LRRIQ3: variants seen among roughly 807,000 people sequenced by gnomAD.
LRRIQ3 encodes leucine-rich repeat and IQ domain-containing protein 3.
Under a neutral mutation model 59.3 loss-of-function variants are expected in LRRIQ3, and 75 were observed. That is an observed-to-expected ratio of 1.26 (90% CI 1.05 to 1.53). The LOEUF (loss-of-function observed/expected upper bound fraction) is 1.53, where lower values mean the gene tolerates loss of function less well. Ranked by LOEUF, LRRIQ3 falls within the 40% of genes most tolerant of loss-of-function variation. LRRIQ3 has a pLI of 0.00. For synonymous variants in LRRIQ3, 250 were observed against 231.3 expected (o/e 1.08, Z -0.73); for missense variants, 831 against 710.0 (o/e 1.17, Z -1.94).
intron 4 of LRRIQ3, among the ~76,000 whole-genome samples, chr1:74,129,179 TTTC>T (rs1646976791): frequency 6.6e-6 from 1 of 152,022 alleles, no homozygotes; most frequent in African/African-American, 2.4e-5. Flanking sequence ...CCAGGCTTGT[TTTC>T]TTTTCTTCAG....
chr1:74,143,371 T>C (rs1400228967), intron 4 of LRRIQ3, among the ~76,000 whole-genome samples: 1 of 151,912 alleles, frequency 6.6e-6, no homozygotes, highest in Non-Finnish European at 1.5e-5. Flanking sequence ...TTGAAAGAAG[T>C]AAGGTAAATT....
At chr1:74,138,515 C>A in intron 4 of LRRIQ3, 1 of 984,288 alleles carries the variant, frequency 1.0e-6, no homozygotes, top group Non-Finnish European at 1.2e-6. Flanking sequence ...TCTGTTGTCT[C>A]AATATGAGAA....
intron 3 of LRRIQ3, among the ~76,000 whole-genome samples, chr1:74,170,840 A>G (rs1165380652): frequency 6.6e-6 from 1 of 152,000 alleles, no homozygotes; most frequent in Non-Finnish European, 1.5e-5. Flanking sequence ...TGTCTACTTT[A>G]GTTTTTCCAT....
chr1:74,130,373 C>T (rs567658978), intron 4 of LRRIQ3, among the ~76,000 whole-genome samples: 2 of 152,196 alleles, frequency 1.3e-5, no homozygotes, highest in African/African-American at 4.8e-5. Flanking sequence ...CCACTTTCCA[C>T]TGTGACAGGG....
chr1:74,132,863 T>C (rs1647049199), intron 4 of LRRIQ3, among the ~76,000 whole-genome samples: 1 of 151,996 alleles, frequency 6.6e-6, no homozygotes, highest in Admixed American at 6.6e-5. Context: ...AATTGACAAA[T>C]GGGATCTAAT....
At chr1:74,080,047 A>T (rs1436934162) in intron 5 of LRRIQ3, among the ~76,000 whole-genome samples, 2 of 151,670 alleles carry the variant, frequency 1.3e-5, no homozygotes, top group African/African-American at 4.8e-5. Flanking sequence ...GTTTCTATCA[A>T]CTTATCAATT....
chr1:74,072,336 G>A lies in LRRIQ3; in HGVS notation c.997+2325C>T, dbSNP rs180799577. ...AATACCAGAACCATTACTTACTGAGGTGAGCTTCTCTTGGAAATTTTAGAG... is the reference window on the plus strand; with the variant it reads ...AATACCAGAACCATTACTTACTGAGATGAGCTTCTCTTGGAAATTTTAGAG... On this transcript the variant is annotated intron_variant, in intron 6 of 7. Transcript: ENST00000354431. Among the ~76,000 whole-genome samples the A allele has an allele frequency of 3.0e-4, 45 of 152,130 alleles. No individual in the cohort carries two copies. In the East Asian group the frequency reaches 8.1e-3, roughly 28 times the overall value.
intron 3 of LRRIQ3, 190 bp downstream of exon 3, chr1:74,182,348 G>A (rs935784734): frequency 2.3e-5 from 8 of 342,412 alleles, no homozygotes; most frequent in Non-Finnish European, 3.1e-5. Flanking sequence ...TTTGTTTAAT[G>A]TAGTTGGCAT....
chr1:74,117,283 C>T (rs1167378961), intron 4 of LRRIQ3, among the ~76,000 whole-genome samples: 1 of 152,096 alleles, frequency 6.6e-6, no homozygotes, highest in Non-Finnish European at 1.5e-5. Flanking sequence ...AGAGCTACCT[C>T]CAACCACCTT....
At position 74,125,907 on chromosome 1, in the gene LRRIQ3, G is replaced by A. The variant is rs142379064; in HGVS notation, c.708-16354C>T. Among the ~76,000 whole-genome samples, 568 of 151,816 alleles carry A rather than the reference G, an allele frequency of 3.7e-3. 9 individuals are homozygous for A. Among genetic ancestry groups the A allele is most frequent in the African/African-American group, 0.013 (529 of 41,490 alleles). ...GTATTCCTTACTCCTCTATTTTTGGGAACAGTTTGAATAGGATTGGTGTTA... is the reference window on the plus strand; with the variant it reads ...GTATTCCTTACTCCTCTATTTTTGGAAACAGTTTGAATAGGATTGGTGTTA... On this transcript the variant is annotated intron_variant, in intron 4 of 7. Transcript: ENST00000354431.
chr1:74,082,042 A>G (rs192801372), intron 5 of LRRIQ3: 1 of 151,750 alleles, frequency 6.6e-6, no homozygotes, highest in African/African-American at 2.4e-5. Context: ...AAAAAAGGAT[A>G]ATAAATTTGA....
intron 5 of LRRIQ3, among the ~76,000 whole-genome samples, chr1:74,089,323 C>A (rs2100513282): frequency 6.6e-6 from 1 of 152,012 alleles, no homozygotes; most frequent in East Asian, 1.9e-4. Flanking sequence ...CCCAAGAAAA[C>A]TAAAAACATA....
In LRRIQ3 at chr1:74,146,216, T is replaced by C. The variant is rs546571668; in HGVS notation, c.707+9517A>G. Among the ~76,000 whole-genome samples the C allele has an allele frequency of 2.6e-5, 4 of 152,228 alleles. No individual in the cohort carries two copies. The South Asian group carries it at 8.3e-4, about 32-fold the overall frequency. On this transcript the variant is annotated intron_variant, in intron 4 of 7. Coordinates refer to ENST00000354431, the MANE Select transcript of LRRIQ3 (RefSeq NM_001105659.2). The stretch of plus-strand genomic sequence containing the variant: ...CTAACAACATGTTTCTCAGAATGCA[T>C]CCTTGTCATTAAGCAATGCATGACT...
At chr1:74,192,447 T>C (rs770050078) in intron 1 of LRRIQ3, among the ~76,000 whole-genome samples, 28 of 152,222 alleles carry the variant, frequency 1.8e-4, no homozygotes, top group Non-Finnish European at 2.9e-4. Flanking sequence ...ATCCGAAATA[T>C]GTGTCTAAAA....
chr1:74,033,232 TAAAG>T (rs1653770894), intron 7 of LRRIQ3, among the ~76,000 whole-genome samples: 1 of 151,910 alleles, frequency 6.6e-6, no homozygotes. Flanking sequence ...ATACAGGAAA[TAAAG>T]ATAGATAGTT....
chr1:74,039,762 G>T (rs567679659), intron 7 of LRRIQ3, among the ~76,000 whole-genome samples: 1 of 152,304 alleles, frequency 6.6e-6, no homozygotes, highest in South Asian at 2.1e-4. Context: ...CACCAGGCCT[G>T]CCTTGCAAGA....
rs185385448 is a variant in LRRIQ3, at chr1:74,193,106, T to G, written c.-1+4890A>C. Among the ~76,000 whole-genome samples the G allele has an allele frequency of 3.9e-4, 59 of 152,308 alleles. No individual in the cohort carries two copies. In the East Asian group the frequency reaches 0.011, roughly 29 times the overall value. ...AAGTTGGAAGCCCTTTACCACTTGTTGCAAATTTAAAATATGCACATAGAG... is the reference window on the plus strand; with the variant it reads ...AAGTTGGAAGCCCTTTACCACTTGTGGCAAATTTAAAATATGCACATAGAG... On this transcript the variant is annotated intron_variant, in intron 1 of 7. Coordinates refer to ENST00000354431, the MANE Select transcript of LRRIQ3 (RefSeq NM_001105659.2).
chr1:74,049,764 T>A (rs1309560239), intron 6 of LRRIQ3, among the ~76,000 whole-genome samples: 1 of 152,074 alleles, frequency 6.6e-6, no homozygotes, highest in Non-Finnish European at 1.5e-5. Context: ...TTGTTTATAT[T>A]AAAAAATCAT....
chr1:74,042,590 A>G (rs1654081027), intron 6 of LRRIQ3, among the ~76,000 whole-genome samples: 1 of 152,048 alleles, frequency 6.6e-6, no homozygotes, highest in Non-Finnish European at 1.5e-5. Flanking sequence ...TTATGTAAGG[A>G]CTCAAGGAAC....
Sources: gnomAD v4.1 joint callset for allele counts (sites outside exome capture counted in the v4.1 genomes callset) on GRCh38, gnomAD v4.1.1 for gene constraint, MANE v1.5 for transcripts, NCBI Gene and HGNC (gene_info 2026-07-23, HGNC 2026-07-21) for gene names.